NBAS: variants seen among roughly 807,000 people sequenced by gnomAD.
NBAS encodes NAG/BC035112 fusion.
A neutral mutation model predicts 302.5 loss-of-function variants in NBAS; 219 were observed. That is an observed-to-expected ratio of 0.72 (90% CI 0.65 to 0.81). The LOEUF (loss-of-function observed/expected upper bound fraction) is 0.81. NBAS is among the 30% of genes least tolerant of loss of function. NBAS has a pLI of 0.00. For synonymous variants in NBAS, 1,118 were observed against 1,021.6 expected, an observed-to-expected ratio of 1.09 and a Z score of -1.80; for missense variants, 2,932 against 2,841.6, an observed-to-expected ratio of 1.03 and a Z score of -0.72.
Position 15,292,629 on chromosome 2 carries a change from C to A in NBAS, c.4935G>T (p.Ala1645=), listed in dbSNP as rs77299752. The change falls in exon 41 of 52, where the codon GCG becomes GCT. Residue 1645 remains alanine, a synonymous_variant. Coordinates refer to ENST00000281513, the MANE Select transcript of NBAS (RefSeq NM_015909.4). Reference sequence around the variant, plus strand: ...CCTTCCGAAGGCCCTGAAGGATCTGCGCCTGAGTGAAATCCAGGAGACGTT... The same window carrying A: ...CCTTCCGAAGGCCCTGAAGGATCTGAGCCTGAGTGAAATCCAGGAGACGTT... The part of the protein sequence containing the change: ...YNERLLDFTQ[A]QILQGLRKGV... 1 of 1,614,046 alleles carries A rather than the reference C, an allele frequency of 6.2e-7. No individual in the cohort carries two copies. Among genetic ancestry groups the A allele is most frequent in the Non-Finnish European group, 8.5e-7 (1 of 1,180,032 alleles).
chr2:14,919,224 A>G, the NBAS span, among the ~76,000 whole-genome samples: 1 of 152,182 alleles, frequency 6.6e-6, no homozygotes, highest in Non-Finnish European at 1.5e-5. Context: ...AAGTCATATA[A>G]TATTTTTTGT....
the NBAS span, among the ~76,000 whole-genome samples, chr2:15,045,320 A>C: frequency 6.6e-6 from 1 of 152,338 alleles, no homozygotes; most frequent in Middle Eastern, 3.4e-3. Context: ...AATGCTGAGG[A>C]AGCACAGAGA....
chr2:14,932,482 GT>G, the NBAS span, among the ~76,000 whole-genome samples: 1 of 152,228 alleles, frequency 6.6e-6, no homozygotes, highest in Non-Finnish European at 1.5e-5. Context: ...GACTAAGCCA[GT>G]TATTCAAAGC....
chr2:15,277,428 C>T (rs1249747407), intron 42 of NBAS, among the ~76,000 whole-genome samples: 3 of 152,074 alleles, frequency 2.0e-5, no homozygotes, highest in Admixed American at 1.3e-4. Flanking sequence ...CATCTGTCAG[C>T]GTCCACTCTT....
chr2:15,032,494 G>C, the NBAS span, among the ~76,000 whole-genome samples: 7 of 152,174 alleles, frequency 4.6e-5, no homozygotes, highest in South Asian at 6.2e-4. Context: ...TGGTTGAGTA[G>C]GTTTCTAAAC....
chr2:15,472,816 G>A (rs775326038), intron 16 of NBAS, among the ~76,000 whole-genome samples: 10 of 152,142 alleles, frequency 6.6e-5, no homozygotes, highest in South Asian at 4.1e-4. Flanking sequence ...AGTCCTTAGC[G>A]TTCTCTTCAC....
the NBAS span, among the ~76,000 whole-genome samples, chr2:14,909,434 T>C: frequency 1.4e-5 from 2 of 140,708 alleles, no homozygotes; most frequent in Non-Finnish European, 3.0e-5. Flanking sequence ...ATCACTTTCA[T>C]GTCTGTCAAC....
At chr2:15,194,625 CA>C (rs1329773494) in intron 48 of NBAS, among the ~76,000 whole-genome samples, 1 of 151,980 alleles carries the variant, frequency 6.6e-6, no homozygotes, top group Non-Finnish European at 1.5e-5. Flanking sequence ...ACAAAAAGAG[CA>C]AAAATATGGG....
At chr2:15,039,091 A>G in the NBAS span, among the ~76,000 whole-genome samples, 1 of 152,266 alleles carries the variant, frequency 6.6e-6, no homozygotes, top group East Asian at 1.9e-4. Flanking sequence ...CTGAATACAC[A>G]CTCTGACTCT....
chr2:15,450,265 T>C (rs1678944438), intron 21 of NBAS, among the ~76,000 whole-genome samples: 1 of 152,222 alleles, frequency 6.6e-6, no homozygotes, highest in Non-Finnish European at 1.5e-5. Context: ...ATTGGGAATA[T>C]ATTTTGTACT....
At chr2:15,126,716 T>C in the NBAS span, among the ~76,000 whole-genome samples, 1 of 152,254 alleles carries the variant, frequency 6.6e-6, no homozygotes, top group Admixed American at 6.5e-5. Flanking sequence ...AGGCAGTTGG[T>C]AGGTACTAAG....
At chr2:14,793,633 A>T in the NBAS span, among the ~76,000 whole-genome samples, 1 of 152,152 alleles carries the variant, frequency 6.6e-6, no homozygotes, top group Non-Finnish European at 1.5e-5. Flanking sequence ...AGGAGAATGG[A>T]GTGGAAATAG....
rs1287348690 is a variant in NBAS at position 15,464,299 on chromosome 2, A to G, written c.2098-2508T>C. ...TCCAACACACTATTTCTCAGCCCCTATTCTCAGCTGAAAACCTTGCCTTTT... is the reference window on the plus strand; with the variant it reads ...TCCAACACACTATTTCTCAGCCCCTGTTCTCAGCTGAAAACCTTGCCTTTT... On this transcript the variant is annotated intron_variant, in intron 19 of 51. Transcript: ENST00000281513. Among the ~76,000 whole-genome samples, 3 of 152,062 alleles carry G rather than the reference A, an allele frequency of 2.0e-5. 1 individual carries two copies. The highest frequency in any genetic ancestry group is 7.2e-5 in the African/African-American group (3 of 41,406).
At chr2:15,256,254 G>A (rs1028170603) in intron 44 of NBAS, among the ~76,000 whole-genome samples, 1 of 152,098 alleles carries the variant, frequency 6.6e-6, no homozygotes, top group Non-Finnish European at 1.5e-5. Context: ...AGTTTTCCAA[G>A]TAGAGATCAT....
the NBAS span, among the ~76,000 whole-genome samples, chr2:15,115,488 CA>C: frequency 1.3e-5 from 2 of 151,834 alleles, no homozygotes; most frequent in Admixed American, 6.6e-5. Flanking sequence ...AGTAGATATG[CA>C]AAAAAAATTA....
rs564423080 is a variant in NBAS at position 15,371,328 on chromosome 2, T to C, written c.3703+3280A>G. 2.6e-5 allele frequency among the ~76,000 whole-genome samples: 4 copies of C among 152,360 alleles called. No individual in the cohort carries two copies. The South Asian group carries it at 8.3e-4, about 32-fold the overall frequency. On this transcript the variant is annotated intron_variant, in intron 31 of 51. Coordinates refer to ENST00000281513, the MANE Select transcript of NBAS (RefSeq NM_015909.4). ...TTACCCAGTCTTGGGTATTTCTTTA[T>C]AGCAGTGTGAAAACAGGCTAATACA...
the NBAS span, among the ~76,000 whole-genome samples, chr2:14,866,665 T>G: frequency 6.6e-6 from 1 of 152,118 alleles, no homozygotes; most frequent in Non-Finnish European, 1.5e-5. Context: ...AATCATGTAC[T>G]GATTAAAACA....
the NBAS span, among the ~76,000 whole-genome samples, chr2:14,787,531 T>C: frequency 6.6e-6 from 1 of 152,200 alleles, no homozygotes; most frequent in African/African-American, 2.4e-5. Flanking sequence ...TGACATAATC[T>C]CTCAGCATTT....
chr2:15,456,132 T>C (rs899250056), intron 21 of NBAS, among the ~76,000 whole-genome samples: 6 of 152,214 alleles, frequency 3.9e-5, no homozygotes, highest in Non-Finnish European at 7.4e-5. Context: ...AAATGTAATT[T>C]CAAAGCTTTA....
Sources: allele counts gnomAD v4.1 joint callset (sites outside exome capture counted in the v4.1 genomes callset), GRCh38; gene constraint gnomAD v4.1.1; transcripts MANE v1.5; gene names NCBI Gene and HGNC (gene_info 2026-07-23, HGNC 2026-07-21).